The following LGR5 variants were observed in gnomAD, a reference collection of about 807,000 sequenced individuals.
LGR5 encodes the protein leucine rich repeat containing G protein-coupled receptor 5.
Under a neutral mutation model 76.7 loss-of-function variants are expected in LGR5, and 54 were observed. The observed-to-expected ratio is 0.70, with a 90% CI of 0.57 to 0.88. The LOEUF (loss-of-function observed/expected upper bound fraction) is 0.88, where lower values mean the gene tolerates loss of function less well. Ranked by LOEUF, LGR5 falls within the 40% of genes least tolerant of loss-of-function variation. LGR5 has a pLI of 0.00. For synonymous variants in LGR5, 406 were observed against 421.9 expected, an observed-to-expected ratio of 0.96 and a Z score of 0.46; for missense variants, 1,078 against 1,073.3, an observed-to-expected ratio of 1.00 and a Z score of -0.06.
chr12:71,504,143 TG>T (rs374730736), intron 1 of LGR5, among the ~76,000 whole-genome samples: 9 of 151,060 alleles, frequency 6.0e-5, no homozygotes, highest in Admixed American at 1.3e-4. Context: ...TTGTTGTTGT[TG>T]TTGTTTTAAA....
intron 1 of LGR5, among the ~76,000 whole-genome samples, chr12:71,493,370 A>G (rs572672612): frequency 6.6e-6 from 1 of 151,472 alleles, no homozygotes; most frequent in East Asian, 1.9e-4. Context: ...ACAGGGTCAT[A>G]GACTCCTATG....
chr12:71,578,114 T>C (rs1165998123), intron 14 of LGR5, 118 bp downstream of exon 14: 4 of 732,772 alleles, frequency 5.5e-6, no homozygotes, highest in Non-Finnish European at 9.4e-6. Context: ...TGCCTCTGTG[T>C]TCTCCATGCC....
chr12:71,452,152 A>C (rs1346325107), intron 1 of LGR5, among the ~76,000 whole-genome samples: 1 of 152,206 alleles, frequency 6.6e-6, no homozygotes, highest in Non-Finnish European at 1.5e-5. Flanking sequence ...CTCCAGACTG[A>C]GCCCAGAGCT....
At chr12:71,539,529 G>A (rs1876769346) in intron 4 of LGR5, among the ~76,000 whole-genome samples, 1 of 152,164 alleles carries the variant, frequency 6.6e-6, no homozygotes, top group Non-Finnish European at 1.5e-5. Context: ...CCAGGCTGGA[G>A]TACAGTGGTG....
chr12:71,546,633 G>A (rs938968093), intron 4 of LGR5, among the ~76,000 whole-genome samples: 4 of 151,984 alleles, frequency 2.6e-5, no homozygotes, highest in Non-Finnish European at 5.9e-5. Context: ...TTCAGGCACT[G>A]ATCTTTCTCA....
chr12:71,581,359 A>G (rs11178867), intron 16 of LGR5, among the ~76,000 whole-genome samples: 1 of 152,030 alleles, frequency 6.6e-6, no homozygotes, highest in Admixed American at 6.6e-5. Context: ...CTCAAACCAC[A>G]CCTGTGGTAA....
chr12:71,585,252 C>T lies in LGR5; in HGVS notation c.*518C>T, dbSNP rs531094053. ...GATGTTTGAGTCCTCCTTTGCCTTTCCTCAGAAAGAATCCTTCTAAGGCAC... is the reference window on the plus strand; with the variant it reads ...GATGTTTGAGTCCTCCTTTGCCTTTTCTCAGAAAGAATCCTTCTAAGGCAC... On this transcript the variant is annotated 3_prime_UTR_variant, in exon 18 of 18. Transcript: ENST00000266674. The T allele has an allele frequency of 6.4e-6, 1 of 155,334 alleles. No individual in the cohort carries two copies. Among genetic ancestry groups the T allele is most frequent in the South Asian group, 2.0e-4 (1 of 5,054 alleles). The allele number at this position is 155,334 out of a possible 1,614,324, so 9.6% of individuals were successfully genotyped here. A position where few individuals can be genotyped will look rare whatever the true frequency, so the allele number is the denominator to read the frequency against.
chr12:71,504,269 A>G (rs1874747710), intron 1 of LGR5, among the ~76,000 whole-genome samples: 1 of 152,196 alleles, frequency 6.6e-6, no homozygotes, highest in Non-Finnish European at 1.5e-5. Flanking sequence ...AAAGCAAGAC[A>G]CAAAGTTGAG....
intron 6 of LGR5, 62 bp from the exon 7 acceptor site, chr12:71,559,524 G>A (rs1351684436): frequency 7.8e-6 from 7 of 899,512 alleles, no homozygotes; most frequent in African/African-American, 5.0e-5. Flanking sequence ...AACTTTCCTT[G>A]TAAATAGAGT....
chr12:71,478,752 G>T (rs1176683806), intron 1 of LGR5, among the ~76,000 whole-genome samples: 1 of 152,050 alleles, frequency 6.6e-6, no homozygotes, highest in South Asian at 2.1e-4. Context: ...ACAATTCAGG[G>T]GCTATCTTGT....
intron 1 of LGR5, among the ~76,000 whole-genome samples, chr12:71,475,646 TC>T (rs1034333851): frequency 1.3e-5 from 2 of 152,004 alleles, no homozygotes; most frequent in African/African-American, 4.8e-5. Flanking sequence ...CTCTCACTCA[TC>T]CCCCCCTTAT....
intron 11 of LGR5, among the ~76,000 whole-genome samples, chr12:71,568,718 C>A (rs1293078712): frequency 6.6e-6 from 1 of 152,130 alleles, no homozygotes; most frequent in East Asian, 1.9e-4. Flanking sequence ...GACTAGAACC[C>A]CAGAGCCTCA....
intron 2 of LGR5, among the ~76,000 whole-genome samples, chr12:71,508,509 A>G (rs1874972349): frequency 6.6e-6 from 1 of 152,130 alleles, no homozygotes; most frequent in Non-Finnish European, 1.5e-5. Flanking sequence ...TAATCCCAGC[A>G]CTTTGGGAGG....
At chr12:71,461,712 G>C (rs1270316594) in intron 1 of LGR5, among the ~76,000 whole-genome samples, 2 of 152,000 alleles carry the variant, frequency 1.3e-5, no homozygotes, top group Non-Finnish European at 2.9e-5. Flanking sequence ...TTACCACCCA[G>C]TCACTCTTTC....
rs550358513 is a variant in LGR5, at chr12:71,479,443, G to A, written c.213-25171G>A. 1.8e-4 allele frequency among the ~76,000 whole-genome samples: 28 copies of A among 152,292 alleles called. No individual in the cohort carries two copies. The South Asian group carries it at 2.9e-3, about 16-fold the overall frequency. On this transcript the variant is annotated intron_variant, in intron 1 of 17. Coordinates refer to ENST00000266674, the MANE Select transcript of LGR5 (RefSeq NM_003667.4). ...ACTGTGTTTCAACAACGTGCCAAAT[G>A]CTGTTAAAAGCTGGCGATTCAGCAC...
chr12:71,549,518 A>T (rs1877370777), intron 4 of LGR5, among the ~76,000 whole-genome samples: 1 of 152,250 alleles, frequency 6.6e-6, no homozygotes, highest in Admixed American at 6.5e-5. Flanking sequence ...TAATCATTTT[A>T]CAATGTATAC....
intron 3 of LGR5, among the ~76,000 whole-genome samples, chr12:71,532,967 G>A (rs545984007): frequency 5.5e-4 from 84 of 152,214 alleles, no homozygotes; most frequent in African/African-American, 2.0e-3. Context: ...TGAGGCGGGA[G>A]GATCCCTTGA....
In LGR5 at chr12:71,440,886, CT is replaced by C. The variant is rs199782447; in HGVS notation, c.212+600del. Among the ~76,000 whole-genome samples the C allele has an allele frequency of 6.6e-6, 1 of 151,414 alleles. No individual in the cohort carries two copies. Among genetic ancestry groups the C allele is most frequent in the Non-Finnish European group, 1.5e-5 (1 of 67,838 alleles). ...TCCCTCCTTTCTTTTTATTTTCTTT[CT>C]TTTTTAACGGCGTGATTAAAATGTG... On this transcript the variant is annotated intron_variant, in intron 1 of 17. Coordinates refer to ENST00000266674, the MANE Select transcript of LGR5 (RefSeq NM_003667.4). This position sits in a 1 kb window ranked among gnomAD's most constrained non-coding sequence, Gnocchi z 5.3.
intron 2 of LGR5, among the ~76,000 whole-genome samples, chr12:71,523,519 T>C (rs541673860): frequency 2.0e-5 from 3 of 152,272 alleles, no homozygotes; most frequent in Admixed American, 1.3e-4. Context: ...CAAAGGTATA[T>C]TGAGTCCCAG....
Sources: allele counts gnomAD v4.1 joint callset (sites outside exome capture counted in the v4.1 genomes callset), GRCh38; gene constraint gnomAD v4.1.1; non-coding constraint Gnocchi (gnomAD v3.1); transcripts MANE v1.5; gene names NCBI Gene and HGNC (gene_info 2026-07-23, HGNC 2026-07-21).